Variants in CDH13 observed in about 807,000 individuals in gnomAD.
CDH13 encodes the protein cadherin 13, also known as cadherin-13.
In CDH13, 24 loss-of-function variants were observed where a neutral mutation model predicts 63.8. That is an observed-to-expected ratio of 0.38 (90% CI 0.27 to 0.53). The LOEUF (loss-of-function observed/expected upper bound fraction) is 0.53, where lower values mean the gene tolerates loss of function less well. Among genes scored for constraint, CDH13 ranks in the 20% least tolerant of loss-of-function variants. CDH13 has a pLI of 0.85. For missense variants in CDH13, 1,049 were observed against 903.1 expected, an observed-to-expected ratio of 1.16 and a Z score of -2.07; for synonymous variants, 503 against 355.3, an observed-to-expected ratio of 1.42 and a Z score of -4.67.
intron 7 of CDH13, among the ~76,000 whole-genome samples, chr16:83,556,497 T>A (rs2075604958): frequency 6.6e-6 from 1 of 152,134 alleles, no homozygotes; most frequent in South Asian, 2.1e-4. Flanking sequence ...CCAAAGTTGT[T>A]GTTGTTCCCA....
chr16:83,535,396 C>A (rs2075163641), intron 7 of CDH13, among the ~76,000 whole-genome samples: 1 of 152,132 alleles, frequency 6.6e-6, no homozygotes, highest in African/African-American at 2.4e-5. Context: ...TGTAGATGGG[C>A]AAAGTAGAGG....
intron 7 of CDH13, among the ~76,000 whole-genome samples, chr16:83,493,184 C>A (rs747307079): frequency 6.6e-6 from 1 of 152,158 alleles, no homozygotes; most frequent in African/African-American, 2.4e-5. Flanking sequence ...TATAAGCACT[C>A]TGTAAATATT....
intron 8 of CDH13, among the ~76,000 whole-genome samples, chr16:83,663,403 T>C (rs1346007966): frequency 6.6e-6 from 1 of 152,224 alleles, no homozygotes; most frequent in African/African-American, 2.4e-5. Context: ...ATATAATCTC[T>C]GTCATTTGGA....
chr16:83,226,691 G>T (rs918696984), intron 5 of CDH13, among the ~76,000 whole-genome samples: 1 of 152,206 alleles, frequency 6.6e-6, no homozygotes, highest in African/African-American at 2.4e-5. Context: ...GACTGCAAGA[G>T]CCTTAGACCC....
chr16:83,327,359 C>A (rs1356882943), intron 5 of CDH13, among the ~76,000 whole-genome samples: 1 of 152,176 alleles, frequency 6.6e-6, no homozygotes, highest in East Asian at 1.9e-4. Flanking sequence ...AATGCATTGT[C>A]TTTTGGCTGG....
At chr16:82,840,950 G>A (rs72807825) in intron 1 of CDH13, among the ~76,000 whole-genome samples, 36,048 of 152,102 alleles carry the variant, frequency 0.24, 4,789 homozygotes, top group Non-Finnish European at 0.3. Flanking sequence ...AGGAGGCTTG[G>A]GTAGAAGAAA....
chr16:82,786,371 C>G (rs866397802), intron 1 of CDH13, among the ~76,000 whole-genome samples: 2 of 151,210 alleles, frequency 1.3e-5, no homozygotes, highest in Admixed American at 6.6e-5. Flanking sequence ...AAAATCACTT[C>G]CAAAAGTGTC....
chr16:83,090,775 G>A (rs948173385), intron 3 of CDH13, among the ~76,000 whole-genome samples: 1 of 151,696 alleles, frequency 6.6e-6, no homozygotes, highest in Non-Finnish European at 1.5e-5. Context: ...AGCAAACTTG[G>A]TTTATAGACC....
chr16:82,942,631 A>G (rs1027961738), intron 2 of CDH13, among the ~76,000 whole-genome samples: 8 of 152,174 alleles, frequency 5.3e-5, no homozygotes, highest in African/African-American at 1.9e-4. Flanking sequence ...GATGTGGCCA[A>G]TGTGAACCAT....
intron 8 of CDH13, among the ~76,000 whole-genome samples, chr16:83,629,844 A>G (rs1217869548): frequency 1.3e-5 from 2 of 152,252 alleles, no homozygotes; most frequent in Non-Finnish European, 2.9e-5. Flanking sequence ...GCTCAGTCAC[A>G]TGAGCTTACA....
chr16:83,382,434 C>T (rs1006782844), intron 6 of CDH13, among the ~76,000 whole-genome samples: 5 of 152,106 alleles, frequency 3.3e-5, no homozygotes, highest in Non-Finnish European at 7.4e-5. Flanking sequence ...TCCATACCCC[C>T]TCATGCTGAT....
chr16:82,764,953 T>A (rs8059730), intron 1 of CDH13, among the ~76,000 whole-genome samples: 2,253 of 152,072 alleles, frequency 0.015, 57 homozygotes, highest in African/African-American at 0.052. Flanking sequence ...TAGCTGAAAC[T>A]ACAGACGTGT....
intron 2 of CDH13, among the ~76,000 whole-genome samples, chr16:82,933,971 G>T (rs2042584981): frequency 6.6e-6 from 1 of 152,158 alleles, no homozygotes; most frequent in Admixed American, 6.5e-5. Context: ...CAGCGTCTAT[G>T]ACTTTTCCAG....
chr16:83,781,629 C>T (rs111713186), intron 12 of CDH13, among the ~76,000 whole-genome samples: 1 of 152,006 alleles, frequency 6.6e-6, no homozygotes, highest in Non-Finnish European at 1.5e-5. Flanking sequence ...TTCTGTTATA[C>T]TGATTATTTT....
At chr16:83,264,554 G>GTA (rs747072264) in intron 5 of CDH13, among the ~76,000 whole-genome samples, 5 of 145,734 alleles carry the variant, frequency 3.4e-5, no homozygotes, top group Admixed American at 2.7e-4. Context: ...ATATATGTAT[G>GTA]TGTGTGTGTG....
At chr16:83,010,160 A>AAAAAAAAAAC (rs1913995009) in intron 2 of CDH13, among the ~76,000 whole-genome samples, 2 of 147,604 alleles carry the variant, frequency 1.4e-5, no homozygotes, top group Non-Finnish European at 3.0e-5. Context: ...AAAAAAAAAA[A>AAAAAAAAAAC]AACAAGAATG....
intron 1 of CDH13, among the ~76,000 whole-genome samples, chr16:82,741,546 T>A (rs2033933811): frequency 6.6e-6 from 1 of 152,134 alleles, no homozygotes; most frequent in African/African-American, 2.4e-5. Context: ...AAGATGGGGG[T>A]CCATGCCTCA....
intron 2 of CDH13, among the ~76,000 whole-genome samples, chr16:82,891,691 G>C (rs778750592): frequency 1.1e-4 from 16 of 152,192 alleles, no homozygotes; most frequent in Non-Finnish European, 1.8e-4. Flanking sequence ...GCATTGAGCA[G>C]ACCATAGGTT....
intron 10 of CDH13, chr16:83,721,531 C>T (rs1909689840): frequency 1.3e-5 from 2 of 152,218 alleles, no homozygotes; most frequent in Non-Finnish European, 2.9e-5. Flanking sequence ...GCAAGACAGG[C>T]ATGTTTTGCT....
Sources: allele counts gnomAD v4.1 joint callset (sites outside exome capture counted in the v4.1 genomes callset), GRCh38; gene constraint gnomAD v4.1.1; transcripts MANE v1.5; gene names NCBI Gene and HGNC (gene_info 2026-07-23, HGNC 2026-07-21).